The following PGM5 variants were observed in gnomAD, a reference collection of about 807,000 sequenced individuals.
PGM5 encodes phosphoglucomutase 5, also known as phosphoglucomutase-like protein 5.
In PGM5, 23 loss-of-function variants were observed where a neutral mutation model predicts 59.2. The observed-to-expected ratio is 0.39, with a 90% CI of 0.28 to 0.55. The LOEUF (loss-of-function observed/expected upper bound fraction) is 0.55. Among genes scored for constraint, PGM5 ranks in the 20% least tolerant of loss-of-function variants. The probability of loss-of-function intolerance (pLI) is 0.66; values close to 1 mark genes in which losing one functional copy is unlikely to be tolerated. For synonymous variants in PGM5, 214 were observed against 286.0 expected (o/e 0.75, Z 2.54); for missense variants, 574 against 748.3 (o/e 0.77, Z 2.72).
chr9:68,523,037 T>C (rs1399627175), intron 10 of PGM5, among the ~76,000 whole-genome samples: 1 of 152,240 alleles, frequency 6.6e-6, no homozygotes, highest in African/African-American at 2.4e-5. Flanking sequence ...TAACTGTCCG[T>C]TCTTTCATTA....
At position 68,479,553 on chromosome 9, in the gene PGM5, G is replaced by A; in HGVS notation, c.1295G>A (p.Arg432Lys). The A allele has an allele frequency of 6.2e-7, 1 of 1,613,916 alleles. No homozygotes were observed. Among genetic ancestry groups the A allele is most frequent in the South Asian group, 1.1e-5 (1 of 91,072 alleles). Reference protein sequence around the residue: ...WAKFGRHYYCRFDYEGLDPKT... With the variant: ...WAKFGRHYYCKFDYEGLDPKT... The stretch of plus-strand genomic sequence containing the variant: ...AAATTTGGCCGCCACTACTATTGCA[G>A]GTGAGGAGAAGGGGAAGGGTCTCTG... Residue 432 changes from arginine to lysine, a missense_variant and splice_region_variant, in exon 8 of 11, where the codon AGG becomes AAG. Physicochemically the swap from Arg to Lys is conservative, Grantham distance 26 (BLOSUM62 2). Around this residue, in one of 7 missense-constraint regions of PGM5, gnomAD observed 300 missense variants for 280.0 expected, o/e 1.07. Coordinates refer to ENST00000396396, the MANE Select transcript of PGM5 (RefSeq NM_021965.4).
chr9:68,484,923 T>C (rs2132093860), intron 9 of PGM5, among the ~76,000 whole-genome samples: 1 of 152,312 alleles, frequency 6.6e-6, no homozygotes, highest in East Asian at 1.9e-4. Context: ...TACAAACTTT[T>C]CTTAGATTCA....
intron 6 of PGM5, among the ~76,000 whole-genome samples, chr9:68,450,755 C>G (rs935153444): frequency 6.6e-6 from 1 of 152,070 alleles, no homozygotes; most frequent in African/African-American, 2.4e-5. Context: ...AACATTGTTT[C>G]AAGATTTTCA....
intron 6 of PGM5, among the ~76,000 whole-genome samples, chr9:68,438,036 C>A (rs554140610): frequency 5.9e-5 from 9 of 152,088 alleles, no homozygotes; most frequent in Non-Finnish European, 1.3e-4. Context: ...GCCTGTAATC[C>A]CAGCACTGTG....
At chr9:68,504,284 T>C (rs7849742) in intron 10 of PGM5, among the ~76,000 whole-genome samples, 110,433 of 152,074 alleles carry the variant, frequency 0.73, 40,667 homozygotes, top group East Asian at 0.99. Flanking sequence ...CAGCATGCTG[T>C]TTCTTTCATT....
chr9:68,440,361 A>G (rs1554683619), intron 6 of PGM5, among the ~76,000 whole-genome samples: 1 of 152,216 alleles, frequency 6.6e-6, no homozygotes, highest in African/African-American at 2.4e-5. Flanking sequence ...TAAATGTAAA[A>G]GAACGGAAAC....
rs782237382 is a variant in PGM5, at chr9:68,479,395, CA to C, written c.1160-22del. ...TTTGCTCCCACAAATGAATGCTCAGCAGAATTTTTCTTTCACCTTTAGGCTC... is the reference window on the plus strand; with the variant it reads ...TTTGCTCCCACAAATGAATGCTCAGCGAATTTTTCTTTCACCTTTAGGCTC... On this transcript the variant is annotated intron_variant, in intron 7 of 10. Transcript: ENST00000396396. The C allele has an allele frequency of 6.3e-6, 10 of 1,589,746 alleles. No individual in the cohort carries two copies. The Admixed American group carries it at 7.6e-5, about 12-fold the overall frequency.
At chr9:68,413,953 G>C (rs1822979716) in intron 6 of PGM5, among the ~76,000 whole-genome samples, 2 of 152,162 alleles carry the variant, frequency 1.3e-5, no homozygotes, top group African/African-American at 4.8e-5. Flanking sequence ...AGTATTGAAG[G>C]TGGGGCCTAA....
At chr9:68,492,687 A>G (rs1228626666) in intron 9 of PGM5, among the ~76,000 whole-genome samples, 1 of 152,212 alleles carries the variant, frequency 6.6e-6, no homozygotes, top group African/African-American at 2.4e-5. Context: ...TTTAACTCAC[A>G]CAAAAGCACC....
intron 10 of PGM5, among the ~76,000 whole-genome samples, chr9:68,516,757 C>T (rs929695326): frequency 1.2e-4 from 18 of 152,224 alleles, no homozygotes; most frequent in African/African-American, 4.1e-4. Context: ...TGCTTTGTGA[C>T]GTCCACCACA....
chr9:68,373,366 C>CT (rs1487466890), intron 1 of PGM5, among the ~76,000 whole-genome samples: 3 of 152,002 alleles, frequency 2.0e-5, no homozygotes, highest in Non-Finnish European at 4.4e-5. Flanking sequence ...AGAATTTAAT[C>CT]TTCTGGTAAT....
At chr9:68,391,894 G>A (rs1554679518) in intron 5 of PGM5, among the ~76,000 whole-genome samples, 170 bp downstream of exon 5, 1 of 152,106 alleles carries the variant, frequency 6.6e-6, no homozygotes, top group Non-Finnish European at 1.5e-5. Context: ...CAATTAAATA[G>A]CGATTACTTT....
intron 6 of PGM5, among the ~76,000 whole-genome samples, chr9:68,448,232 G>T (rs115389380): frequency 6.6e-6 from 1 of 152,120 alleles, no homozygotes; most frequent in African/African-American, 2.4e-5. Flanking sequence ...TCACAGAAAT[G>T]TGACAGTATG....
At chr9:68,399,717 C>T (rs1452551100) in intron 6 of PGM5, among the ~76,000 whole-genome samples, 5 of 151,930 alleles carry the variant, frequency 3.3e-5, no homozygotes, top group Admixed American at 6.6e-5. Flanking sequence ...ATACCAGACC[C>T]GTTGTCAGTT....
chr9:68,467,592 T>C lies in PGM5; in HGVS notation c.1159+2384T>C, dbSNP rs192675285. Among the ~76,000 whole-genome samples, 6 of 152,348 alleles carry C rather than the reference T, an allele frequency of 3.9e-5. No individual in the cohort carries two copies. In the East Asian group the frequency reaches 1.2e-3, roughly 29 times the overall value. On this transcript the variant is annotated intron_variant, in intron 7 of 10. Transcript: ENST00000396396. ...TCTATCCTCATTTTCCCCCTCCCCA[T>C]TAACAGTTTGTTCTAATTGGATCTA...
chr9:68,402,651 G>T (rs548340212), intron 6 of PGM5, among the ~76,000 whole-genome samples: 1 of 152,314 alleles, frequency 6.6e-6, no homozygotes, highest in African/African-American at 2.4e-5. Flanking sequence ...TGATATAAAA[G>T]ATATAAGGAA....
chr9:68,426,765 C>T (rs1823246216), intron 6 of PGM5: 2 of 152,146 alleles, frequency 1.3e-5, no homozygotes, highest in Non-Finnish European at 2.9e-5. Flanking sequence ...TAGAAAGTCA[C>T]AGAGCACTCA....
intron 6 of PGM5, chr9:68,405,413 G>A (rs1554681021): frequency 6.6e-6 from 1 of 152,472 alleles, no homozygotes; most frequent in South Asian, 2.1e-4. Flanking sequence ...GAGTCCATTG[G>A]GGTGCAGTTC....
chr9:68,482,648 T>C (rs566367633), intron 8 of PGM5, among the ~76,000 whole-genome samples: 3 of 152,332 alleles, frequency 2.0e-5, no homozygotes, highest in Admixed American at 6.5e-5. Flanking sequence ...GAAGCCCAAA[T>C]GTAAGATCCT....
Sources: gnomAD v4.1 joint callset for allele counts (sites outside exome capture counted in the v4.1 genomes callset) on GRCh38, gnomAD v4.1.1 for gene constraint, gnomAD v4.1.1 regional missense constraint, MANE v1.5 for transcripts, NCBI Gene and HGNC (gene_info 2026-07-23, HGNC 2026-07-21) for gene names.